Variants in USP30 observed in about 807,000 individuals in gnomAD.
USP30 encodes ubiquitin carboxyl-terminal hydrolase 30.
In USP30, 41 loss-of-function variants were observed where a neutral mutation model predicts 68.2. That is an observed-to-expected ratio of 0.60 (90% CI 0.47 to 0.78). USP30 has a LOEUF of 0.78. Among genes scored for constraint, USP30 ranks in the 30% least tolerant of loss-of-function variants. The probability of loss-of-function intolerance (pLI) is 0.00; values close to 1 mark genes in which losing one functional copy is unlikely to be tolerated. For synonymous variants in USP30, 229 were observed against 253.7 expected, an observed-to-expected ratio of 0.90 and a Z score of 0.93; for missense variants, 522 against 649.4, an observed-to-expected ratio of 0.80 and a Z score of 2.13.
intron 7 of USP30, among the ~76,000 whole-genome samples, chr12:109,076,976 C>T (rs1404737543): frequency 1.3e-5 from 2 of 152,260 alleles, no homozygotes; most frequent in African/African-American, 4.8e-5. Context: ...TCGTGATCCG[C>T]CTGCCTCAGC....
At chr12:109,064,803 A>G (rs183849039) in intron 3 of USP30, among the ~76,000 whole-genome samples, 1 of 151,822 alleles carries the variant, frequency 6.6e-6, no homozygotes, top group African/African-American at 2.4e-5. Flanking sequence ...ATATTGCCAA[A>G]TTGCCCCATA....
At chr12:109,056,869 G>A (rs2040893998) in intron 2 of USP30, 78 bp downstream of exon 2, 1 of 1,015,218 alleles carries the variant, frequency 9.9e-7, no homozygotes, top group Non-Finnish European at 1.4e-6. Flanking sequence ...CAAAGAAGGT[G>A]GGGAGGTTGG....
chr12:109,068,664 A>G (rs10850688), intron 4 of USP30, among the ~76,000 whole-genome samples: 127,793 of 152,216 alleles, frequency 0.84, 54,189 homozygotes, highest in East Asian at 0.98. Context: ...AGATTTAGTC[A>G]CCAAGGACAT....
At chr12:109,068,528 A>G (rs2041332349) in intron 4 of USP30, among the ~76,000 whole-genome samples, 1 of 152,228 alleles carries the variant, frequency 6.6e-6, no homozygotes, top group South Asian at 2.1e-4. Flanking sequence ...CTTAAAATGT[A>G]TCTCAGTTAA....
intron 3 of USP30, among the ~76,000 whole-genome samples, chr12:109,029,660 T>C (rs2040467722): frequency 6.6e-6 from 1 of 152,202 alleles, no homozygotes; most frequent in South Asian, 2.1e-4. Flanking sequence ...CTGCTCTTTC[T>C]GGCTGCTTAC....
chr12:109,029,199 C>T (rs2040464696), intron 3 of USP30, among the ~76,000 whole-genome samples: 1 of 152,184 alleles, frequency 6.6e-6, no homozygotes, highest in Non-Finnish European at 1.5e-5. Flanking sequence ...ATGTCTAGCT[C>T]TGGACCTGCG....
At chr12:109,039,898 C>T (rs546803046) in intron 3 of USP30, among the ~76,000 whole-genome samples, 1 of 152,228 alleles carries the variant, frequency 6.6e-6, no homozygotes, top group East Asian at 1.9e-4. Flanking sequence ...CGTGAACCAC[C>T]ACACCTGGCC....
chr12:109,023,110 G>A (rs866405253), exon 1 of USP30: 13 of 152,328 alleles, frequency 8.5e-5, no homozygotes, highest in East Asian at 3.9e-4. Context: ...TGCATAGCTG[G>A]GAAAGGGAGC....
chr12:109,085,856 C>CGCCT lies in USP30; in HGVS notation c.1480_1483dup (p.Tyr495CysfsTer23), dbSNP rs763299555. On this transcript the variant is annotated frameshift_variant, in exon 13 of 13. Coordinates refer to ENST00000257548, the MANE Select transcript of USP30 (RefSeq NM_032663.5). LOFTEE classifies it high-confidence loss of function. ...GCCTGCAGGAGGTCCTGTCCTCCAG[C>CGCCT]GCCTACCTGCTGTTCTACGAGCGCG... 6.2e-7 allele frequency: 1 copy of CGCCT among 1,614,236 alleles called. No homozygotes were observed. Among genetic ancestry groups the CGCCT allele is most frequent in the Non-Finnish European group, 8.5e-7 (1 of 1,180,036 alleles).
At chr12:109,024,089 A>G (rs2040427002) in intron 1 of USP30, among the ~76,000 whole-genome samples, 1 of 152,120 alleles carries the variant, frequency 6.6e-6, no homozygotes, top group Non-Finnish European at 1.5e-5. Context: ...AACCTCGAGC[A>G]GGTTGTCTAA....
At chr12:109,058,541 C>T (rs2040951782) in intron 3 of USP30, among the ~76,000 whole-genome samples, 1 of 144,872 alleles carries the variant, frequency 6.9e-6, no homozygotes, top group Non-Finnish European at 1.5e-5. Context: ...CATTGCAGTC[C>T]AGCCTGAGCA....
intron 3 of USP30, among the ~76,000 whole-genome samples, chr12:109,041,802 G>A (rs1438617079): frequency 6.6e-6 from 1 of 151,924 alleles, no homozygotes; most frequent in Non-Finnish European, 1.5e-5. Context: ...GTTTACTATT[G>A]TGAAGATCTG....
upstream of USP30, among the ~76,000 whole-genome samples, chr12:109,049,901 G>C (rs539145979): frequency 6.6e-6 from 1 of 152,212 alleles, no homozygotes; most frequent in South Asian, 2.1e-4. Context: ...ACATGCTGTT[G>C]AAAATGGTGC....
At chr12:109,080,906 A>G (rs987941513) in intron 7 of USP30, among the ~76,000 whole-genome samples, 1 of 152,224 alleles carries the variant, frequency 6.6e-6, no homozygotes, top group African/African-American at 2.4e-5. Context: ...TGCACCATCT[A>G]GGTTCTTGTA....
rs1215298269 is a variant in USP30, at chr12:109,087,042, G to C, written c.*1111G>C. The C allele has an allele frequency of 1.3e-5, 2 of 151,980 alleles. No homozygotes were observed. 9.4% of individuals were successfully genotyped at this position (151,980 alleles called of 1,614,324 possible). On this transcript the variant is annotated 3_prime_UTR_variant, in exon 13 of 13. Coordinates refer to ENST00000257548, the MANE Select transcript of USP30 (RefSeq NM_032663.5). ...ATAACTACAGCTGGCATCTAGTATT[G>C]TCATGTTGCTCTAGGTCCATATTCT...
rs1275585531 is a variant in USP30 at position 109,056,545 on chromosome 12, CCTATGA to C, written c.84-132_84-127del. 8 of 568,242 alleles carry C rather than the reference CCTATGA, an allele frequency of 1.4e-5. No individual in the cohort carries two copies. In the East Asian group the frequency reaches 2.2e-4, roughly 15 times the overall value. The allele number at this position is 568,242 out of a possible 1,614,324, so 35.2% of individuals were successfully genotyped here. On this transcript the variant is annotated intron_variant, in intron 1 of 12. Transcript: ENST00000257548. ...AACATCCTGATTTTCAAGATGTAAT[CCTATGA>C]CTATATGTTACTTTAACTTGCAATT...
intron 7 of USP30, among the ~76,000 whole-genome samples, chr12:109,079,339 C>CTTTTTTTTTTTTTTTTTTTTTTT (rs750712233): frequency 2.4e-4 from 15 of 62,248 alleles, no homozygotes; most frequent in African/African-American, 6.9e-4. Flanking sequence ...TTTTCTTTTT[C>CTTTTTTTTTTTTTTTTTTTTTTT]TTTTTTTTTT....
At chr12:109,035,944 C>T (rs1036526213) in intron 3 of USP30, among the ~76,000 whole-genome samples, 1 of 152,138 alleles carries the variant, frequency 6.6e-6, no homozygotes, top group Middle Eastern at 3.2e-3. Context: ...GTGAGAATTG[C>T]TTGAGCTCAG....
chr12:109,079,339 C>CTTTTTTTTTCTTTTTTTTT (rs2041713500), intron 7 of USP30, among the ~76,000 whole-genome samples: 1 of 62,250 alleles, frequency 1.6e-5, no homozygotes, highest in African/African-American at 6.9e-5. Context: ...TTTTCTTTTT[C>CTTTTTTTTTCTTTTTTTTT]TTTTTTTTTT....
Sources: allele counts gnomAD v4.1 joint callset (sites outside exome capture counted in the v4.1 genomes callset), GRCh38; gene constraint gnomAD v4.1.1; transcripts MANE v1.5; gene names NCBI Gene and HGNC (gene_info 2026-07-23, HGNC 2026-07-21).